MTPN: variants seen among roughly 807,000 people sequenced by gnomAD.
MTPN encodes granule cell differentiation protein.
MTPN carries 2 observed loss-of-function variants against 13.5 expected under a neutral mutation model. The ratio of observed to expected loss-of-function variants is 0.15; its 90% CI spans 0.06 to 0.47. The LOEUF (loss-of-function observed/expected upper bound fraction) is 0.47, where lower values mean the gene tolerates loss of function less well. MTPN is among the 20% of genes least tolerant of loss of function. The probability of loss-of-function intolerance (pLI) is 0.97; values close to 1 mark genes in which losing one functional copy is unlikely to be tolerated. For missense variants in MTPN, 79 were observed against 137.9 expected (o/e 0.57, Z 2.14); for synonymous variants, 46 against 51.7 (o/e 0.89, Z 0.48).
chr7:135,976,364 T>C (rs1015788533), intron 1 of MTPN, among the ~76,000 whole-genome samples: 2 of 152,218 alleles, frequency 1.3e-5, no homozygotes, highest in Non-Finnish European at 2.9e-5. Context: ...AACATGCTTG[T>C]TTAAAAACTA....
intron 1 of MTPN, among the ~76,000 whole-genome samples, chr7:135,973,042 C>T (rs1323424491): frequency 6.6e-6 from 1 of 150,472 alleles, no homozygotes; most frequent in African/African-American, 2.4e-5. Context: ...GCCTAGTACA[C>T]CATACCAATG....
intron 3 of MTPN, among the ~76,000 whole-genome samples, chr7:135,931,289 G>C (rs1799016777): frequency 6.6e-6 from 1 of 152,170 alleles, no homozygotes; most frequent in Non-Finnish European, 1.5e-5. Context: ...TATGGGAAGA[G>C]AACAGTAACA....
intron 3 of MTPN, among the ~76,000 whole-genome samples, chr7:135,939,318 T>TG (rs1283077545): frequency 6.6e-6 from 1 of 152,164 alleles, no homozygotes; most frequent in Non-Finnish European, 1.5e-5. Context: ...CCCAGGCAGC[T>TG]GGTGCCCTGG....
At chr7:135,957,042 CTCTT>C (rs1799452377) in intron 1 of MTPN, among the ~76,000 whole-genome samples, 1 of 152,196 alleles carries the variant, frequency 6.6e-6, no homozygotes, top group Admixed American at 6.6e-5. Flanking sequence ...ACTCTTAAAA[CTCTT>C]TCTTTTCATT....
intron 3 of MTPN, chr7:135,932,647 CTATATT>C (rs1026633432): frequency 5.9e-5 from 9 of 151,476 alleles, no homozygotes; most frequent in Admixed American, 2.0e-4. Flanking sequence ...AGTAGAGTGA[CTATATT>C]TATATCAGAC....
At chr7:135,947,407 T>A (rs1799301674) in intron 3 of MTPN, among the ~76,000 whole-genome samples, 1 of 152,126 alleles carries the variant, frequency 6.6e-6, no homozygotes, top group African/African-American at 2.4e-5. Context: ...GTTTGATGGA[T>A]CCAATTCTTC....
chr7:135,973,476 AAC>A (rs149334094), intron 1 of MTPN, among the ~76,000 whole-genome samples: 8,506 of 151,838 alleles, frequency 0.056, 268 homozygotes, highest in East Asian at 0.093. Flanking sequence ...TAGGAATAAA[AAC>A]AGTTTTTGAG....
rs773805314 is a variant in MTPN, at chr7:135,977,138, TGAG to T, written c.-41_-39del. ...GCAGGCCGGTTGGCCGGGCAGAAGA[TGAG>T]GAGGCGGTGGCAGCAGCAAGCGGAT... On this transcript the variant is annotated 5_prime_UTR_variant, in exon 1 of 4. Transcript: ENST00000393085. The T allele has an allele frequency of 1.6e-5, 25 of 1,609,070 alleles. No homozygotes were observed. The highest frequency in any genetic ancestry group is 1.1e-4 in the East Asian group (5 of 44,844).
At position 135,974,331 on chromosome 7, in the gene MTPN, G is replaced by C. The variant is rs935075179; in HGVS notation, c.72+2698C>G. On this transcript the variant is annotated intron_variant, in intron 1 of 3. Transcript: ENST00000393085. ...GGCCGAGGCCAGAAGATCGCTTGAGGCTAGGAGTTTGAGACCAGCCTGTAC... is the reference window on the plus strand; with the variant it reads ...GGCCGAGGCCAGAAGATCGCTTGAGCCTAGGAGTTTGAGACCAGCCTGTAC... Among the ~76,000 whole-genome samples the C allele has an allele frequency of 9.9e-5, 15 of 152,114 alleles. 1 individual carries two copies. The highest frequency in any genetic ancestry group is 3.6e-4 in the African/African-American group (15 of 41,404).
Position 135,928,283 on chromosome 7 carries a change from T to TG in MTPN, c.*1642dup, listed in dbSNP as rs1231383605. On this transcript the variant is annotated 3_prime_UTR_variant, in exon 4 of 4. Transcript: ENST00000393085. ...GCCACAGGATTAAAAAAAGGACTCA[T>TG]GGGGAAAAATACACACACACACCCA... is the stretch of plus-strand genomic sequence containing the variant. The TG allele has an allele frequency of 6.0e-6, 1 of 166,834 alleles. No individual in the cohort carries two copies. Among genetic ancestry groups the TG allele is most frequent in the African/African-American group, 2.4e-5 (1 of 41,308 alleles). 10.3% of individuals were successfully genotyped at this position (166,834 alleles called of 1,614,324 possible). A position where few individuals can be genotyped will look rare whatever the true frequency, so the allele number is the denominator to read the frequency against.
At chr7:135,941,707 C>G (rs1480242173) in intron 3 of MTPN, among the ~76,000 whole-genome samples, 2 of 151,704 alleles carry the variant, frequency 1.3e-5, no homozygotes, top group Non-Finnish European at 2.9e-5. Context: ...CTTATGGTAC[C>G]CCTAGTAAAA....
Position 135,977,020 on chromosome 7 carries a change from C to G in MTPN, c.72+9G>C. 1.9e-6 allele frequency: 3 copies of G among 1,611,372 alleles called. No individual in the cohort carries two copies. The highest frequency in any genetic ancestry group is 2.5e-6 in the Non-Finnish European group (3 of 1,178,542). On this transcript the variant is annotated intron_variant, in intron 1 of 3. Transcript: ENST00000393085. ...CGTGTTCTCGCCTACTCTTCTCATC[C>G]CCGCTTACCTTGGCCACATAGTCTT...
rs1798989013 is a variant in MTPN, at chr7:135,929,853, G to C, written c.*73C>G. ...AGCTGAAGAAGCTGGCAGATAGAGAGTGACAGACAGACAGGCAGCAGTGTG... is the reference window on the plus strand; with the variant it reads ...AGCTGAAGAAGCTGGCAGATAGAGACTGACAGACAGACAGGCAGCAGTGTG... On this transcript the variant is annotated 3_prime_UTR_variant, in exon 4 of 4. Coordinates refer to ENST00000393085, the MANE Select transcript of MTPN (RefSeq NM_145808.4). The C allele has an allele frequency of 7.1e-7, 1 of 1,406,624 alleles. No individual in the cohort carries two copies. The highest frequency in any genetic ancestry group is 1.0e-6 in the Non-Finnish European group (1 of 991,068). The allele number at this position is 1,406,624 out of a possible 1,614,324, so 87.1% of individuals were successfully genotyped here.
chr7:135,949,132 A>G (rs981967833), intron 3 of MTPN, among the ~76,000 whole-genome samples: 9 of 152,214 alleles, frequency 5.9e-5, no homozygotes, highest in Non-Finnish European at 2.9e-5. Context: ...ATATAAATTA[A>G]TAAGATCTCT....
chr7:135,940,634 G>A (rs1396981439), intron 3 of MTPN, among the ~76,000 whole-genome samples: 4 of 152,120 alleles, frequency 2.6e-5, no homozygotes, highest in East Asian at 1.9e-4. Flanking sequence ...CAACAAATAC[G>A]AAAACTAGAA....
intron 3 of MTPN, among the ~76,000 whole-genome samples, chr7:135,931,524 A>G (rs2116337798): frequency 6.6e-6 from 1 of 152,314 alleles, no homozygotes; most frequent in African/African-American, 2.4e-5. Context: ...AAATGAATTT[A>G]ACTGCTTCAT....
chr7:135,964,496 C>G (rs1350521245), intron 1 of MTPN, among the ~76,000 whole-genome samples: 1 of 151,968 alleles, frequency 6.6e-6, no homozygotes, highest in Non-Finnish European at 1.5e-5. Context: ...AATTTTGGAA[C>G]GTTTTTGGTG....
At chr7:135,950,748 T>A in intron 2 of MTPN, 66 bp from the exon 3 acceptor site, 1 of 1,242,830 alleles carries the variant, frequency 8.0e-7, no homozygotes. Flanking sequence ...TAGTTTTAAC[T>A]AGAAAACTCT....
intron 1 of MTPN, among the ~76,000 whole-genome samples, chr7:135,955,840 A>AC (rs1799435550): frequency 8.4e-6 from 1 of 118,866 alleles, no homozygotes; most frequent in Non-Finnish European, 1.8e-5. Context: ...TCAATGGATT[A>AC]TAAAAAAAAA....
Sources: allele counts gnomAD v4.1 joint callset (sites outside exome capture counted in the v4.1 genomes callset), GRCh38; gene constraint gnomAD v4.1.1; transcripts MANE v1.5; gene names NCBI Gene and HGNC (gene_info 2026-07-23, HGNC 2026-07-21).